The following FERRY3 variants were observed in gnomAD, a reference collection of about 807,000 sequenced individuals.
The protein encoded by FERRY3 is FERRY endosomal RAB5 effector complex subunit 3.
the FERRY3 span, chr12:4,505,365 T>C: frequency 6.2e-7 from 1 of 1,605,234 alleles, no homozygotes; most frequent in Non-Finnish European, 8.5e-7. Context: ...ATTTCCTCCA[T>C]TTTGGTTTCC....
At chr12:4,489,746 T>C in the FERRY3 span, 8 of 1,212,722 alleles carry the variant, frequency 6.6e-6, no homozygotes, top group South Asian at 5.4e-5. Context: ...ATTCCCAGCA[T>C]AGCACAAGTT....
the FERRY3 span, among the ~76,000 whole-genome samples, chr12:4,514,272 T>C: frequency 4.0e-5 from 6 of 150,070 alleles, no homozygotes; most frequent in East Asian, 5.8e-4. Context: ...TGTGGAGAAA[T>C]AGGAACACTT....
At chr12:4,519,852 C>T in the FERRY3 span, among the ~76,000 whole-genome samples, 1 of 152,182 alleles carries the variant, frequency 6.6e-6, no homozygotes, top group Non-Finnish European at 1.5e-5. The surrounding 1 kb of genome is among the most constrained non-coding windows in gnomAD (Gnocchi z 4.3). Context: ...CAGTTTCATC[C>T]CCAAACCCTC....
At chr12:4,536,800 G>C in the FERRY3 span, among the ~76,000 whole-genome samples, 1 of 152,160 alleles carries the variant, frequency 6.6e-6, no homozygotes, top group Admixed American at 6.5e-5. Context: ...AGAAAATCTA[G>C]TTAAAGGCAG....
At chr12:4,500,306 T>A in the FERRY3 span, 1 of 1,613,964 alleles carries the variant, frequency 6.2e-7, no homozygotes, top group African/African-American at 1.3e-5. Flanking sequence ...CATGGATTTC[T>A]GAGAGATTAG....
chr12:4,528,570 T>C, the FERRY3 span, among the ~76,000 whole-genome samples: 2 of 152,122 alleles, frequency 1.3e-5, no homozygotes, highest in Non-Finnish European at 2.9e-5. Flanking sequence ...AACAGCATGT[T>C]CTTTTTGACA....
the FERRY3 span, among the ~76,000 whole-genome samples, chr12:4,490,921 G>A: frequency 6.6e-6 from 1 of 152,176 alleles, no homozygotes; most frequent in African/African-American, 2.4e-5. Context: ...GAGAATAAAG[G>A]TAATAGCAAG....
the FERRY3 span, among the ~76,000 whole-genome samples, chr12:4,520,345 C>T: frequency 6.6e-6 from 1 of 152,146 alleles, no homozygotes; most frequent in East Asian, 1.9e-4. Context: ...ACAAAGACAA[C>T]AAAGATGGAG....
chr12:4,523,834 A>G, the FERRY3 span, among the ~76,000 whole-genome samples: 8 of 152,290 alleles, frequency 5.3e-5, no homozygotes, highest in Admixed American at 1.3e-4. Context: ...GGGAAGGGAT[A>G]GCATTAGGAG....
At chr12:4,516,048 AT>A in the FERRY3 span, among the ~76,000 whole-genome samples, 22 of 151,848 alleles carry the variant, frequency 1.4e-4, no homozygotes, top group African/African-American at 5.1e-4. Context: ...GGATACAGTG[AT>A]TTTTTTTTAA....
chr12:4,534,614 G>C, the FERRY3 span, among the ~76,000 whole-genome samples: 1 of 152,050 alleles, frequency 6.6e-6, no homozygotes, highest in East Asian at 1.9e-4. Context: ...TGTTGCCCAG[G>C]CTGGTCTTGA....
the FERRY3 span, chr12:4,518,740 TA>T: frequency 4.1e-6 from 5 of 1,215,832 alleles, no homozygotes; most frequent in Non-Finnish European, 4.7e-6. Context: ...GAAGTTACAA[TA>T]AATTATAACT....
the FERRY3 span, chr12:4,518,953 A>G: frequency 1.0e-6 from 1 of 975,300 alleles, no homozygotes; most frequent in East Asian, 3.0e-5. Context: ...CTTTATAATG[A>G]GAGAAAACTG....
chr12:4,518,957 A>G, the FERRY3 span: 1 of 897,970 alleles, frequency 1.1e-6, no homozygotes, highest in Non-Finnish European at 1.6e-6. Context: ...ATAATGAGAG[A>G]AAACTGAACA....
the FERRY3 span, chr12:4,489,790 T>C: frequency 2.9e-5 from 45 of 1,539,354 alleles, no homozygotes; most frequent in Non-Finnish European, 3.8e-5. Flanking sequence ...TCTGCCAGCA[T>C]GTCAATCTAT....
At chr12:4,529,975 G>T in the FERRY3 span, 1 of 1,613,484 alleles carries the variant, frequency 6.2e-7, no homozygotes, top group South Asian at 1.1e-5. Context: ...GCAGGAGAAT[G>T]AATTAAGTCA....
chr12:4,531,901 C>T, the FERRY3 span, among the ~76,000 whole-genome samples: 1 of 152,128 alleles, frequency 6.6e-6, no homozygotes, highest in Non-Finnish European at 1.5e-5. Context: ...TTCCCGAACT[C>T]TACAATCTTT....
At chr12:4,520,094 T>C in the FERRY3 span, among the ~76,000 whole-genome samples, 3 of 152,214 alleles carry the variant, frequency 2.0e-5, no homozygotes, top group East Asian at 3.9e-4. Context: ...GATGCTGTCA[T>C]ACAAGGGGGT....
At chr12:4,525,157 TA>T in the FERRY3 span, 1 of 1,420,140 alleles carries the variant, frequency 7.0e-7, no homozygotes, top group Admixed American at 2.3e-5. Context: ...ACTAGCAAAT[TA>T]AAAAGACATA....
Sources: gnomAD v4.1 joint callset for allele counts (sites outside exome capture counted in the v4.1 genomes callset) on GRCh38, gnomAD v4.1.1 for gene constraint, Gnocchi (gnomAD v3.1) non-coding constraint, MANE v1.5 for transcripts, NCBI Gene and HGNC (gene_info 2026-07-23, HGNC 2026-07-21) for gene names.